The following SORCS2 variants were observed in gnomAD, a reference collection of about 807,000 sequenced individuals.
SORCS2 encodes the protein VPS10 domain-containing receptor SorCS2.
SORCS2 carries 100 observed loss-of-function variants against 141.6 expected under a neutral mutation model. The ratio of observed to expected loss-of-function variants is 0.71; its 90% CI spans 0.60 to 0.83. SORCS2 has a LOEUF of 0.83. Ranked by LOEUF, SORCS2 falls within the 40% of genes least tolerant of loss-of-function variation. The pLI is 0.00. For missense variants in SORCS2, 1,646 were observed against 1,560.2 expected (o/e 1.05, Z -0.93); for synonymous variants, 789 against 676.9 (o/e 1.17, Z -2.57).
At chr4:7,276,150 C>T (rs1560157880) in intron 1 of SORCS2, among the ~76,000 whole-genome samples, 1 of 152,200 alleles carries the variant, frequency 6.6e-6, no homozygotes, top group Non-Finnish European at 1.5e-5. Context: ...CTCATAGCCT[C>T]CGTGGCTCCA....
In SORCS2 at chr4:7,664,361, T is replaced by C; in HGVS notation, c.961T>C (p.Tyr321His). ...GCGCCTCTCTCCTGTAGATTTTCGG[T>C]ACGTCACCTGCGCAATCCACAATTG... The part of the protein sequence containing the change: ...EAQDLGGDFR[Y>H]VTCAIHNCSE... The change falls in exon 7 of 27, where the codon TAC (tyrosine) becomes CAC (histidine). Residue 321 changes from tyrosine (Y) to histidine (H), a missense_variant. Transcript: ENST00000507866. This position sits in a 1 kb window ranked among gnomAD's most constrained non-coding sequence, Gnocchi z 4.7. 1.2e-6 allele frequency: 2 copies of C among 1,613,464 alleles called. No individual in the cohort carries two copies. The highest frequency in any genetic ancestry group is 1.7e-6 in the Non-Finnish European group (2 of 1,179,632).
chr4:7,501,132 C>T (rs1268188267), intron 2 of SORCS2, among the ~76,000 whole-genome samples: 1 of 152,192 alleles, frequency 6.6e-6, no homozygotes, highest in Admixed American at 6.5e-5. Flanking sequence ...ACGAATCTTG[C>T]CCTACCCCAC....
intron 1 of SORCS2, among the ~76,000 whole-genome samples, chr4:7,360,755 G>T (rs1721534554): frequency 6.6e-6 from 1 of 150,808 alleles, no homozygotes; most frequent in Admixed American, 6.6e-5. Context: ...GCTAATTTTT[G>T]TATTTTTTTT....
intron 2 of SORCS2, among the ~76,000 whole-genome samples, chr4:7,452,537 A>G (rs1363691620): frequency 6.6e-6 from 1 of 152,050 alleles, no homozygotes; most frequent in Admixed American, 6.6e-5. Flanking sequence ...AACTGCATGC[A>G]GTTTTCCGGG....
chr4:7,720,731 G>A (rs2097769), intron 18 of SORCS2, among the ~76,000 whole-genome samples: 15,656 of 152,186 alleles, frequency 0.1, 1,148 homozygotes, highest in African/African-American at 0.2. Context: ...TGACAGGTAA[G>A]CACACGAAAA....
chr4:7,543,049 C>A (rs372144965), intron 3 of SORCS2, among the ~76,000 whole-genome samples: 1 of 152,188 alleles, frequency 6.6e-6, no homozygotes, highest in Admixed American at 6.5e-5. Flanking sequence ...CTGGCCAGCA[C>A]GTGTCAGTGG....
At chr4:7,234,764 GT>G (rs1712144297) in intron 1 of SORCS2, among the ~76,000 whole-genome samples, 1 of 152,262 alleles carries the variant, frequency 6.6e-6, no homozygotes, top group South Asian at 2.1e-4. Context: ...GGACTCTGCT[GT>G]TCTTAGGCCC....
intron 3 of SORCS2, among the ~76,000 whole-genome samples, chr4:7,578,526 T>G (rs539719637): frequency 6.6e-6 from 1 of 152,380 alleles, no homozygotes; most frequent in Admixed American, 6.5e-5. Context: ...TAATTTGTCC[T>G]GCTAAGCCTG....
chr4:7,652,918 C>T lies in SORCS2; in HGVS notation c.814-1216C>T, dbSNP rs144798076. 2.7e-3 allele frequency among the ~76,000 whole-genome samples: 409 copies of T among 152,316 alleles called. 4 individuals are homozygous for T. Among genetic ancestry groups the T allele is most frequent in the African/African-American group, 9.4e-3 (391 of 41,576 alleles). On this transcript the variant is annotated intron_variant, in intron 4 of 26. Transcript: ENST00000507866. ...GGTCAAATGCTTTTCCTTTCTTCTG[C>T]GCTCTCTCTCTGGGCCTGTCACCAT...
At chr4:7,656,244 G>T (rs943521797) in intron 5 of SORCS2, among the ~76,000 whole-genome samples, 9 of 152,354 alleles carry the variant, frequency 5.9e-5, no homozygotes, top group Non-Finnish European at 1.0e-4. Flanking sequence ...AAGCGAGAGG[G>T]AGCAGCCCCA....
chr4:7,442,813 T>A (rs1463331414), intron 2 of SORCS2, among the ~76,000 whole-genome samples: 1 of 149,362 alleles, frequency 6.7e-6, no homozygotes, highest in Non-Finnish European at 1.5e-5. Context: ...GACAAAACAG[T>A]GTACCACAGA....
chr4:7,534,213 G>A (rs963651913), intron 3 of SORCS2, among the ~76,000 whole-genome samples: 1 of 152,220 alleles, frequency 6.6e-6, no homozygotes, highest in East Asian at 1.9e-4. Context: ...GTGTGCTGCC[G>A]AGTGGACACT....
chr4:7,298,627 C>A (rs1192482172), intron 1 of SORCS2, among the ~76,000 whole-genome samples: 1 of 152,166 alleles, frequency 6.6e-6, no homozygotes, highest in Non-Finnish European at 1.5e-5. Context: ...CGGGAGAGGG[C>A]TGCCTGTCTG....
intron 1 of SORCS2, among the ~76,000 whole-genome samples, chr4:7,271,825 AGC>A (rs1437742070): frequency 3.2e-4 from 49 of 152,360 alleles, no homozygotes; most frequent in African/African-American, 1.1e-3. Flanking sequence ...GGCCCGAGAC[AGC>A]AGAGAGAGTG....
At chr4:7,677,766 T>G (rs1275828035) in intron 9 of SORCS2, among the ~76,000 whole-genome samples, 1 of 152,094 alleles carries the variant, frequency 6.6e-6, no homozygotes, top group Non-Finnish European at 1.5e-5. Context: ...TTTGTCAGGG[T>G]TCATCTCCCC....
intron 3 of SORCS2, among the ~76,000 whole-genome samples, chr4:7,566,448 C>T (rs1715023424): frequency 6.6e-6 from 1 of 152,162 alleles, no homozygotes; most frequent in South Asian, 2.1e-4. Flanking sequence ...ATTTACTGAG[C>T]CTCTAATGGA....
rs572506212 is a variant in SORCS2, at chr4:7,602,611, A to C, written c.649-35717A>C. Among the ~76,000 whole-genome samples the C allele has an allele frequency of 1.7e-3, 240 of 144,146 alleles. 1 individual carries two copies. Among genetic ancestry groups the C allele is most frequent in the African/African-American group, 5.7e-3 (216 of 37,878 alleles). 94.6% of individuals were successfully genotyped at this position (144,146 alleles called of 152,430 possible). On this transcript the variant is annotated intron_variant, in intron 3 of 26. Coordinates refer to ENST00000507866, the MANE Select transcript of SORCS2 (RefSeq NM_020777.3). ...CTTCCTTGACGGGATGACTGCCGGG[A>C]AGAGGCGCTCCTCACTTCCTTGACG...
At chr4:7,262,946 A>G (rs1433131100) in intron 1 of SORCS2, among the ~76,000 whole-genome samples, 1 of 152,156 alleles carries the variant, frequency 6.6e-6, no homozygotes, top group African/African-American at 2.4e-5. Context: ...AGGTTTGAGG[A>G]GCTCTGGGAG....
Position 7,664,222 on chromosome 4 carries a change from G to T in SORCS2, c.953-131G>T. The T allele has an allele frequency of 2.9e-6, 2 of 681,616 alleles. No homozygotes were observed. Among genetic ancestry groups the T allele is most frequent in the South Asian group, 3.9e-5 (2 of 51,468 alleles). The allele number at this position is 681,616 out of a possible 1,614,324, so 42.2% of individuals were successfully genotyped here. A position where few individuals can be genotyped will look rare whatever the true frequency, so the allele number is the denominator to read the frequency against. The stretch of plus-strand genomic sequence containing the variant: ...CTCAGCCGCAGGTGTCATCACGGTG[G>T]CCTTTAGAATTCAAGCCCATGAAGC... On this transcript the variant is annotated intron_variant, in intron 6 of 26. Coordinates refer to ENST00000507866, the MANE Select transcript of SORCS2 (RefSeq NM_020777.3). The surrounding 1 kb of genome is among the most constrained non-coding windows in gnomAD (Gnocchi z 4.7).
Sources: allele counts gnomAD v4.1 joint callset (sites outside exome capture counted in the v4.1 genomes callset), GRCh38; gene constraint gnomAD v4.1.1; non-coding constraint Gnocchi (gnomAD v3.1); transcripts MANE v1.5; gene names NCBI Gene and HGNC (gene_info 2026-07-23, HGNC 2026-07-21).